Variants in CORIN observed in about 807,000 individuals in gnomAD.
CORIN encodes the protein corin, serine peptidase, also known as atrial natriuretic peptide-converting enzyme.
In CORIN, 117 loss-of-function variants were observed where a neutral mutation model predicts 125.3. That is an observed-to-expected ratio of 0.93 (90% confidence interval 0.80 to 1.09). The LOEUF is 1.09. Ranked by LOEUF, CORIN falls within the 50% of genes least tolerant of loss-of-function variation. The pLI, the probability that CORIN is intolerant of heterozygous loss-of-function variation, is 0.00. For missense variants in CORIN, 1,253 were observed against 1,306.7 expected (o/e 0.96, Z 0.63); for synonymous variants, 450 against 466.4 (o/e 0.96, Z 0.45).
chr4:47,752,120 C>A (rs939579936), intron 4 of CORIN, among the ~76,000 whole-genome samples: 2 of 152,136 alleles, frequency 1.3e-5, no homozygotes, highest in Non-Finnish European at 2.9e-5. Context: ...ATGTAAGCTT[C>A]GCAGTGAGTT....
At chr4:47,695,372 C>T (rs980424199) in intron 5 of CORIN, among the ~76,000 whole-genome samples, 1 of 152,210 alleles carries the variant, frequency 6.6e-6, no homozygotes, top group African/African-American at 2.4e-5. Flanking sequence ...CCACCTATGG[C>T]TCCGATGATT....
chr4:47,817,659 A>C (rs1018083726), intron 1 of CORIN, among the ~76,000 whole-genome samples: 1 of 152,230 alleles, frequency 6.6e-6, no homozygotes, highest in Admixed American at 6.5e-5. Context: ...TATTTGTGCC[A>C]GTCTTAAAAT....
At chr4:47,796,272 G>C (rs894683587) in intron 2 of CORIN, among the ~76,000 whole-genome samples, 1 of 151,932 alleles carries the variant, frequency 6.6e-6, no homozygotes, top group East Asian at 1.9e-4. Flanking sequence ...TATATCATTT[G>C]GCCTTAAAAA....
At chr4:47,626,584 A>T in intron 16 of CORIN, 63 bp from the exon 17 acceptor site, 1 of 990,452 alleles carries the variant, frequency 1.0e-6, no homozygotes, top group Non-Finnish European at 1.6e-6. Context: ...AGGCATTATC[A>T]TTATTTAGCA....
At chr4:47,658,623 C>T (rs1724104316) in intron 12 of CORIN, among the ~76,000 whole-genome samples, 1 of 152,230 alleles carries the variant, frequency 6.6e-6, no homozygotes, top group Non-Finnish European at 1.5e-5. Context: ...CTGCAAAGGG[C>T]AGTGGGGACC....
intron 13 of CORIN, chr4:47,652,707 T>C (rs1723788809): frequency 6.6e-6 from 1 of 152,152 alleles, no homozygotes. Context: ...ATGGCAGAAA[T>C]GTCAAGAAGA....
In CORIN at chr4:47,626,533, C is replaced by CA; in HGVS notation, c.2199-13dup. The stretch of plus-strand genomic sequence containing the variant: ...TCACAGATGGTTCTCTGATACAAGG[C>CA]AAATACTGGATAAGTATTCAAAGTA... On this transcript the variant is annotated splice_polypyrimidine_tract_variant and intron_variant, in intron 16 of 21. Coordinates refer to ENST00000273857, the MANE Select transcript of CORIN (RefSeq NM_006587.4). The CA allele has an allele frequency of 6.8e-7, 1 of 1,467,352 alleles. No homozygotes were observed. Among genetic ancestry groups the CA allele is most frequent in the Non-Finnish European group, 9.6e-7 (1 of 1,046,336 alleles). 90.9% of individuals were successfully genotyped at this position (1,467,352 alleles called of 1,614,324 possible).
chr4:47,743,168 G>A (rs1298975372), intron 5 of CORIN, among the ~76,000 whole-genome samples: 2 of 151,756 alleles, frequency 1.3e-5, no homozygotes, highest in Non-Finnish European at 2.9e-5. Context: ...TTCTATGTTT[G>A]GGGGTGAGCA....
At chr4:47,607,637 A>G (rs554998111) in intron 19 of CORIN, among the ~76,000 whole-genome samples, 31 of 152,312 alleles carry the variant, frequency 2.0e-4, no homozygotes, top group African/African-American at 7.0e-4. Context: ...GGTGAAGGAC[A>G]TGTACATACG....
chr4:47,727,387 C>T (rs1182243860), intron 5 of CORIN, among the ~76,000 whole-genome samples: 1 of 151,982 alleles, frequency 6.6e-6, no homozygotes, highest in Non-Finnish European at 1.5e-5. Context: ...TAAACTGCAT[C>T]TAATACATCA....
At chr4:47,703,862 G>T (rs1726423405) in intron 5 of CORIN, among the ~76,000 whole-genome samples, 1 of 152,176 alleles carries the variant, frequency 6.6e-6, no homozygotes, top group Non-Finnish European at 1.5e-5. Context: ...GGGGCACCTG[G>T]GTTCTTTGAA....
chr4:47,698,878 G>T (rs1436731721), intron 5 of CORIN, among the ~76,000 whole-genome samples: 1 of 152,146 alleles, frequency 6.6e-6, no homozygotes, highest in Non-Finnish European at 1.5e-5. Flanking sequence ...ATACACAAAT[G>T]CTTATTGTAT....
At chr4:47,630,338 A>C (rs1365657978) in intron 16 of CORIN, among the ~76,000 whole-genome samples, 2 of 152,230 alleles carry the variant, frequency 1.3e-5, no homozygotes, top group Non-Finnish European at 2.9e-5. Context: ...TCTTACGTAA[A>C]AGGTGGCTGG....
intron 4 of CORIN, among the ~76,000 whole-genome samples, chr4:47,753,427 GA>G (rs1728997484): frequency 6.6e-6 from 1 of 152,104 alleles, no homozygotes; most frequent in Non-Finnish European, 1.5e-5. Context: ...ACTTTACCAG[GA>G]CGCGATCTTT....
chr4:47,707,089 C>A lies in CORIN; in HGVS notation c.800-14006G>T, dbSNP rs975903525. 2.8e-6 allele frequency: 4 copies of A among 1,417,876 alleles called. No individual in the cohort carries two copies. The African/African-American group carries it at 5.8e-5, about 20-fold the overall frequency. The allele number at this position is 1,417,876 out of a possible 1,614,324, so 87.8% of individuals were successfully genotyped here. ...TGTTAAAACTAGTCTGCAGATGTTTCTTGAATGCTTTGTCAAATTAAGAAA... is the reference window on the plus strand; with the variant it reads ...TGTTAAAACTAGTCTGCAGATGTTTATTGAATGCTTTGTCAAATTAAGAAA... On this transcript the variant is annotated intron_variant, in intron 5 of 21. Transcript: ENST00000273857.
chr4:47,659,588 C>A (rs576112535), intron 12 of CORIN, among the ~76,000 whole-genome samples: 1 of 152,214 alleles, frequency 6.6e-6, no homozygotes, highest in East Asian at 1.9e-4. Context: ...AGAGATGCTA[C>A]AGCACTTTTA....
chr4:47,830,765 G>A (rs1732948811), intron 1 of CORIN, among the ~76,000 whole-genome samples: 1 of 152,134 alleles, frequency 6.6e-6, no homozygotes, highest in Admixed American at 6.5e-5. Flanking sequence ...CACCATTCAG[G>A]AGGTTCTTGG....
chr4:47,734,200 T>C (rs17654484), intron 5 of CORIN, among the ~76,000 whole-genome samples: 13,877 of 152,116 alleles, frequency 0.091, 773 homozygotes, highest in East Asian at 0.27. Flanking sequence ...TGAAAGCAAA[T>C]TGAACTAACA....
At chr4:47,666,634 A>G (rs979562912) in intron 10 of CORIN, among the ~76,000 whole-genome samples, 5 of 152,314 alleles carry the variant, frequency 3.3e-5, no homozygotes, top group Admixed American at 2.0e-4. Context: ...AATGAGGTCT[A>G]GATGAGGGTG....
Sources: allele counts gnomAD v4.1 joint callset (sites outside exome capture counted in the v4.1 genomes callset), GRCh38; gene constraint gnomAD v4.1.1; transcripts MANE v1.5; gene names NCBI Gene and HGNC (gene_info 2026-07-23, HGNC 2026-07-21).